The following UBAC2 variants were observed in gnomAD, a reference collection of about 807,000 sequenced individuals.
The protein encoded by UBAC2 is UBA domain containing 2, also known as ubiquitin-associated domain-containing protein 2.
UBAC2 carries 26 observed loss-of-function variants against 44.0 expected under a neutral mutation model. That is an observed-to-expected ratio of 0.59 (90% CI 0.43 to 0.82). The LOEUF is 0.82. Ranked by LOEUF, UBAC2 falls within the 40% of genes least tolerant of loss-of-function variation. The pLI is 0.00. For missense variants in UBAC2, 329 were observed against 419.4 expected (o/e 0.78, Z 1.88); for synonymous variants, 155 against 154.3 (o/e 1.00, Z -0.04).
chr13:99,355,095 G>A (rs548450529), intron 7 of UBAC2, among the ~76,000 whole-genome samples: 56 of 152,272 alleles, frequency 3.7e-4, no homozygotes, highest in African/African-American at 1.3e-3. Flanking sequence ...TGTAAGAAGA[G>A]GGGAAACCTT....
intron 8 of UBAC2, among the ~76,000 whole-genome samples, chr13:99,375,820 T>TG (rs1491059897): frequency 5.7e-5 from 8 of 139,706 alleles, no homozygotes; most frequent in Non-Finnish European, 1.3e-4. Flanking sequence ...TTTTTTTTTT[T>TG]TGAGACATGG....
chr13:99,202,539 T>G (rs1161770160), intron 1 of UBAC2, among the ~76,000 whole-genome samples: 1 of 152,222 alleles, frequency 6.6e-6, no homozygotes, highest in Non-Finnish European at 1.5e-5. Flanking sequence ...AGAGAAATCT[T>G]ATTGGTTGCT....
intron 4 of UBAC2, among the ~76,000 whole-genome samples, chr13:99,309,606 G>T (rs1469209711): frequency 6.6e-6 from 1 of 151,902 alleles, no homozygotes; most frequent in East Asian, 1.9e-4. Context: ...CAGTTTTTTT[G>T]TTTGTTTGTT....
chr13:99,201,818 T>A (rs1291472380), intron 1 of UBAC2, among the ~76,000 whole-genome samples: 1 of 152,098 alleles, frequency 6.6e-6, no homozygotes, highest in Non-Finnish European at 1.5e-5. Flanking sequence ...ACGCCTGTAA[T>A]CCCAGCACTT....
chr13:99,369,138 A>G (rs2045372771), intron 8 of UBAC2, among the ~76,000 whole-genome samples: 4 of 152,236 alleles, frequency 2.6e-5, no homozygotes, highest in Non-Finnish European at 1.5e-5. Flanking sequence ...AGTAATAAAT[A>G]TACAAAGAAT....
intron 2 of UBAC2, among the ~76,000 whole-genome samples, chr13:99,242,942 C>T (rs2043336179): frequency 1.3e-5 from 2 of 150,254 alleles, no homozygotes; most frequent in African/African-American, 2.5e-5. Context: ...TCCTCACTTC[C>T]TAGATGGGAT....
intron 4 of UBAC2, among the ~76,000 whole-genome samples, chr13:99,291,084 T>G (rs2044083815): frequency 6.6e-6 from 1 of 152,088 alleles, no homozygotes; most frequent in Non-Finnish European, 1.5e-5. Context: ...CCGGAGAGTG[T>G]GGGATTAAAC....
At chr13:99,338,788 G>A (rs2044839617) in intron 6 of UBAC2, among the ~76,000 whole-genome samples, 1 of 152,194 alleles carries the variant, frequency 6.6e-6, no homozygotes, top group Non-Finnish European at 1.5e-5. Flanking sequence ...GCAACATCCA[G>A]TGGCTAGTTC....
intron 6 of UBAC2, among the ~76,000 whole-genome samples, chr13:99,325,185 C>T (rs972562889): frequency 3.4e-5 from 5 of 147,640 alleles, no homozygotes; most frequent in Non-Finnish European, 5.9e-5. Context: ...TCACCGCAAG[C>T]TCCACCTCCC....
chr13:99,240,578 G>A (rs751416107), intron 2 of UBAC2, among the ~76,000 whole-genome samples: 4 of 152,216 alleles, frequency 2.6e-5, no homozygotes, highest in Non-Finnish European at 5.9e-5. Context: ...CTGAGGAGAT[G>A]ACAGTCATCA....
intron 6 of UBAC2, among the ~76,000 whole-genome samples, chr13:99,328,857 G>T (rs1191233757): frequency 6.6e-6 from 1 of 152,110 alleles, no homozygotes; most frequent in African/African-American, 2.4e-5. Context: ...AAAATAGTTT[G>T]TGCTTTTGAT....
At chr13:99,265,963 A>G (rs1233427839) in intron 4 of UBAC2, among the ~76,000 whole-genome samples, 2 of 152,166 alleles carry the variant, frequency 1.3e-5, no homozygotes, top group South Asian at 2.1e-4. Flanking sequence ...TTATTTGAAT[A>G]TGAAATAGAT....
chr13:99,360,439 G>C (rs1315839516), intron 7 of UBAC2, among the ~76,000 whole-genome samples: 1 of 152,200 alleles, frequency 6.6e-6, no homozygotes, highest in South Asian at 2.1e-4. Context: ...AAAACCAAGG[G>C]TCATGGAAAT....
chr13:99,266,156 G>A (rs187704310), intron 4 of UBAC2, among the ~76,000 whole-genome samples: 158 of 151,588 alleles, frequency 1.0e-3, no homozygotes, highest in African/African-American at 3.7e-3. Flanking sequence ...CTATTAATTG[G>A]TAGAATATTA....
At chr13:99,264,574 T>C (rs1041673781) in intron 4 of UBAC2, among the ~76,000 whole-genome samples, 11 of 152,176 alleles carry the variant, frequency 7.2e-5, no homozygotes, top group African/African-American at 2.4e-4. Flanking sequence ...GAGCCCAGCA[T>C]GTGCCACTAA....
At chr13:99,242,968 G>A (rs867004135) in intron 2 of UBAC2, among the ~76,000 whole-genome samples, 1 of 149,164 alleles carries the variant, frequency 6.7e-6, no homozygotes, top group African/African-American at 2.5e-5. Flanking sequence ...CCGGGAAGAG[G>A]CGCTCCTCAC....
Position 99,347,327 on chromosome 13 carries a change from C to A in UBAC2, c.807+6762C>A, listed in dbSNP as rs1227327677. Among the ~76,000 whole-genome samples, 86 of 81,816 alleles carry A rather than the reference C, an allele frequency of 1.1e-3. 16 individuals carry two copies. Among genetic ancestry groups the A allele is most frequent in the Admixed American group, 2.3e-3 (23 of 10,022 alleles). 53.7% of individuals were successfully genotyped at this position (81,816 alleles called of 152,430 possible). A position where few individuals can be genotyped will look rare whatever the true frequency, so the allele number is the denominator to read the frequency against. ...CGTTACTATCCCCGGGCGCCCCCCC[C>A]CCCCCCCAGGAAAAAAAAGGCAAGT... On this transcript the variant is annotated intron_variant, in intron 7 of 8. Coordinates refer to ENST00000403766, the MANE Select transcript of UBAC2 (RefSeq NM_001144072.2).
chr13:99,254,926 C>G, intron 4 of UBAC2: 1 of 1,613,992 alleles, frequency 6.2e-7, no homozygotes, highest in Non-Finnish European at 8.5e-7. Context: ...ACTACCAGAT[C>G]GGAAACTTTT....
At chr13:99,337,082 C>T (rs553295709) in intron 6 of UBAC2, among the ~76,000 whole-genome samples, 8 of 152,280 alleles carry the variant, frequency 5.3e-5, no homozygotes, top group African/African-American at 1.7e-4. Context: ...GAAGTGGAAT[C>T]GTGTTTTCAG....
Sources: gnomAD v4.1 joint callset for allele counts (sites outside exome capture counted in the v4.1 genomes callset) on GRCh38, gnomAD v4.1.1 for gene constraint, MANE v1.5 for transcripts, NCBI Gene and HGNC (gene_info 2026-07-23, HGNC 2026-07-21) for gene names.